ITGA8: variants seen among roughly 807,000 people sequenced by gnomAD.
ITGA8 encodes the protein integrin alpha-8.
Under a neutral mutation model 142.3 loss-of-function variants are expected in ITGA8, and 91 were observed. The observed-to-expected ratio is 0.64, with a 90% CI of 0.54 to 0.76. ITGA8 has a LOEUF of 0.76. ITGA8 is among the 30% of genes least tolerant of loss of function. The pLI, the probability that ITGA8 is intolerant of heterozygous loss-of-function variation, is 0.00. For synonymous variants in ITGA8, 505 were observed against 485.2 expected (o/e 1.04, Z -0.54); for missense variants, 1,406 against 1,327.7 (o/e 1.06, Z -0.92).
At chr10:15,544,346 C>T (rs1833630368) in intron 27 of ITGA8, among the ~76,000 whole-genome samples, 1 of 152,074 alleles carries the variant, frequency 6.6e-6, no homozygotes, top group Non-Finnish European at 1.5e-5. Context: ...AACCAAAACC[C>T]CATAAAAACA....
chr10:15,548,460 G>T lies in ITGA8; in HGVS notation c.2875C>A (p.Leu959Ile). ...CTTCTGTGGTTGTTTATTACCTGGA[G>T]GAAGGTGTGGGCCCATAATCGTGAC... ...VRSRLWAHTF[L>I]QRKNDPYALA... Residue 959 changes from leucine to isoleucine, a missense_variant, in exon 27 of 30, where the codon CTC becomes ATC. By Grantham distance (5) the Leu-to-Ile change is conservative (BLOSUM62 2). Coordinates refer to ENST00000378076, the MANE Select transcript of ITGA8 (RefSeq NM_003638.3). 1.2e-6 allele frequency: 2 copies of T among 1,606,950 alleles called. No homozygotes were observed. Among genetic ancestry groups the T allele is most frequent in the Admixed American group, 1.7e-5 (1 of 58,900 alleles).
rs535560964 is a variant in ITGA8, at chr10:15,522,744, G to A, written c.2983-3332C>T. Among the ~76,000 whole-genome samples, 7 of 152,328 alleles carry A rather than the reference G, an allele frequency of 4.6e-5. No individual in the cohort carries two copies. The East Asian group carries it at 1.3e-3, about 29-fold the overall frequency. On this transcript the variant is annotated intron_variant, in intron 28 of 29. Coordinates refer to ENST00000378076, the MANE Select transcript of ITGA8 (RefSeq NM_003638.3). ...TAATATCTTAAGGCTGGGCACAGTGGCTCATGCCTGTAATCCCAGCACTTT... is the reference window on the plus strand; with the variant it reads ...TAATATCTTAAGGCTGGGCACAGTGACTCATGCCTGTAATCCCAGCACTTT...
intron 9 of ITGA8, among the ~76,000 whole-genome samples, chr10:15,659,961 T>A (rs1834255499): frequency 6.6e-6 from 1 of 152,192 alleles, no homozygotes; most frequent in African/African-American, 2.4e-5. Context: ...GAACTGTGAG[T>A]GAATAAATTT....
At chr10:15,589,855 C>G (rs566612763) in intron 22 of ITGA8, among the ~76,000 whole-genome samples, 2 of 151,650 alleles carry the variant, frequency 1.3e-5, no homozygotes, top group South Asian at 4.2e-4. Flanking sequence ...CTCTGCCTGC[C>G]AGGTTCAAGT....
intron 2 of ITGA8, among the ~76,000 whole-genome samples, chr10:15,691,070 C>G (rs1330516196): frequency 1.3e-5 from 2 of 152,118 alleles, no homozygotes; most frequent in Admixed American, 1.3e-4. Flanking sequence ...ATACAAACGG[C>G]CAACAGGTAT....
rs77265660 is a variant in ITGA8 at position 15,655,679 on chromosome 10, T to G, written c.949-273A>C. Reference sequence around the variant, plus strand: ...TAATCTGTGGACACAGCTATCGGAATGTTCACTGCTAAATCTGGCTCTTCC... The same window carrying G: ...TAATCTGTGGACACAGCTATCGGAAGGTTCACTGCTAAATCTGGCTCTTCC... On this transcript the variant is annotated intron_variant, in intron 10 of 29. Coordinates refer to ENST00000378076, the MANE Select transcript of ITGA8 (RefSeq NM_003638.3). Among the ~76,000 whole-genome samples, 2,590 of 152,268 alleles carry G rather than the reference T, an allele frequency of 0.017. 68 individuals are homozygous for G. Among genetic ancestry groups the G allele is most frequent in the African/African-American group, 0.059 (2,452 of 41,550 alleles).
At chr10:15,676,796 G>A (rs1262409200) in intron 6 of ITGA8, among the ~76,000 whole-genome samples, 4 of 152,144 alleles carry the variant, frequency 2.6e-5, no homozygotes, top group East Asian at 1.9e-4. Context: ...ATCACCAGAG[G>A]TCAAGAGTTT....
Position 15,626,217 on chromosome 10 carries a change from G to A in ITGA8, c.1400-9658C>T, listed in dbSNP as rs371763757. Among the ~76,000 whole-genome samples, 3 of 152,246 alleles carry A rather than the reference G, an allele frequency of 2.0e-5. No homozygotes were observed. In the East Asian group the frequency reaches 5.8e-4, roughly 29 times the overall value. ...TCCAGTGCACTCTGGAGAGAGAGAT[G>A]TTCTTTCTTTTCTTTTCTTTTCTTT... On this transcript the variant is annotated intron_variant, in intron 13 of 29. Coordinates refer to ENST00000378076, the MANE Select transcript of ITGA8 (RefSeq NM_003638.3).
intron 13 of ITGA8, among the ~76,000 whole-genome samples, chr10:15,618,421 A>G (rs1200836311): frequency 6.6e-6 from 1 of 152,226 alleles, no homozygotes; most frequent in Non-Finnish European, 1.5e-5. Flanking sequence ...AAATTGGTGT[A>G]ATAGAATTTG....
intron 22 of ITGA8, among the ~76,000 whole-genome samples, chr10:15,591,476 A>C (rs1280525553): frequency 4.6e-5 from 7 of 150,950 alleles, no homozygotes; most frequent in African/African-American, 1.7e-4. Flanking sequence ...ATTTCCTTTT[A>C]ATGTGGATCT....
At chr10:15,694,255 CATATACATCAGATAAT>C (rs879839778) in intron 2 of ITGA8, among the ~76,000 whole-genome samples, 19,059 of 126,958 alleles carry the variant, frequency 0.15, 1,821 homozygotes, top group South Asian at 0.19. Context: ...TATATGATAA[CATATACATCAGATAAT>C]ATATCATACA....
At chr10:15,637,144 C>T (rs1211482524) in intron 13 of ITGA8, among the ~76,000 whole-genome samples, 3 of 152,174 alleles carry the variant, frequency 2.0e-5, no homozygotes, top group Non-Finnish European at 4.4e-5. Flanking sequence ...GACTCTGTCT[C>T]TAAATCAGAT....
intron 2 of ITGA8, among the ~76,000 whole-genome samples, chr10:15,717,688 C>A (rs1934940): frequency 0.14 from 20,850 of 152,180 alleles, 1,733 homozygotes; most frequent in South Asian, 0.21. Flanking sequence ...CTAATTTGGT[C>A]ATAATTCAAG....
At chr10:15,607,581 G>C (rs926019659) in intron 17 of ITGA8, 96 bp downstream of exon 17, 2 of 1,128,720 alleles carry the variant, frequency 1.8e-6, no homozygotes, top group South Asian at 2.6e-5. Flanking sequence ...GACAGATGGG[G>C]GTCTATGCAG....
chr10:15,678,745 C>T lies in ITGA8; in HGVS notation c.607G>A (p.Gly203Arg). 6.2e-7 allele frequency: 1 copy of T among 1,610,768 alleles called. No homozygotes were observed. The highest frequency in any genetic ancestry group is 2.2e-5 in the East Asian group (1 of 44,794). Residue 203 changes from glycine (G) to arginine (R), a missense_variant, in exon 5 of 30, where the codon GGA becomes AGA. By Grantham distance (125) the Gly-to-Arg change is moderately radical (BLOSUM62 -2). Coordinates refer to ENST00000378076, the MANE Select transcript of ITGA8 (RefSeq NM_003638.3). ...DPEGQGYCQA[G>R]FSLDFYKNGD... The stretch of plus-strand genomic sequence containing the variant: ...ACCTTATAAAAATCCAGACTAAATC[C>T]TGCTTGGCAGTAACCCTGGCCTTCC...
chr10:15,590,295 T>A (rs914398389), intron 22 of ITGA8, among the ~76,000 whole-genome samples: 3 of 152,234 alleles, frequency 2.0e-5, no homozygotes, highest in African/African-American at 7.2e-5. Context: ...ACTTCATTAC[T>A]GAATTCATTA....
chr10:15,579,033 T>C (rs1162185441), intron 23 of ITGA8, among the ~76,000 whole-genome samples: 1 of 152,122 alleles, frequency 6.6e-6, no homozygotes, highest in Non-Finnish European at 1.5e-5. Context: ...CTTAAAATAA[T>C]GCATGATAAA....
intron 27 of ITGA8, among the ~76,000 whole-genome samples, chr10:15,539,545 A>T (rs189912350): frequency 1.5e-3 from 221 of 151,628 alleles, no homozygotes; most frequent in Non-Finnish European, 2.3e-3. Flanking sequence ...AACAATCATG[A>T]CTCTTTGGAC....
intron 13 of ITGA8, among the ~76,000 whole-genome samples, chr10:15,631,884 C>A (rs985356089): frequency 6.6e-6 from 1 of 151,388 alleles, no homozygotes; most frequent in Non-Finnish European, 1.5e-5. Flanking sequence ...ATCATATACA[C>A]TGGGTTTCAG....
Sources: allele counts gnomAD v4.1 joint callset (sites outside exome capture counted in the v4.1 genomes callset), GRCh38; gene constraint gnomAD v4.1.1; transcripts MANE v1.5; gene names NCBI Gene and HGNC (gene_info 2026-07-23, HGNC 2026-07-21).